Variants in PHTF2 observed in about 807,000 individuals in gnomAD.
PHTF2 encodes the protein putative homeodomain transcription factor 2.
Under a neutral mutation model 101.2 loss-of-function variants are expected in PHTF2, and 60 were observed. That is an observed-to-expected ratio of 0.59 (90% confidence interval 0.48 to 0.73). The LOEUF is 0.73. Ranked by LOEUF, PHTF2 falls within the 30% of genes least tolerant of loss-of-function variation. PHTF2 has a pLI of 0.00. For missense variants in PHTF2, 747 were observed against 908.7 expected, an observed-to-expected ratio of 0.82 and a Z score of 2.29; for synonymous variants, 311 against 307.3, an observed-to-expected ratio of 1.01 and a Z score of -0.13.
intron 1 of PHTF2, 193 bp from the exon 2 acceptor site, chr7:77,840,028 A>G: frequency 5.2e-6 from 2 of 381,274 alleles, no homozygotes. Context: ...AGAACTTTCT[A>G]TTATTGTGGC....
intron 3 of PHTF2, among the ~76,000 whole-genome samples, chr7:77,875,971 C>T (rs1045771246): frequency 3.9e-5 from 6 of 152,222 alleles, no homozygotes; most frequent in African/African-American, 1.4e-4. Flanking sequence ...TGCTATTATC[C>T]TGATTTTATA....
chr7:77,910,378 G>A (rs1802270473), exon 9 of PHTF2: 8 of 1,613,374 alleles, frequency 5.0e-6, no homozygotes, highest in Non-Finnish European at 5.9e-6. Context: ...TGTCTTCAGA[G>A]ATCTCTGGCA....
intron 3 of PHTF2, among the ~76,000 whole-genome samples, chr7:77,871,368 C>T (rs1221905877): frequency 6.6e-6 from 1 of 152,150 alleles, no homozygotes; most frequent in Non-Finnish European, 1.5e-5. Flanking sequence ...CCCTTCTTAG[C>T]CTGTTGACTT....
In PHTF2 at chr7:77,888,802, C is replaced by T. The variant is rs17159230; in HGVS notation, c.148-4806C>T. 9.0e-3 allele frequency among the ~76,000 whole-genome samples: 1,362 copies of T among 151,972 alleles called. 15 individuals are homozygous for T. Among genetic ancestry groups the T allele is most frequent in the South Asian group, 0.034 (162 of 4,814 alleles). ...AAAACCACCTGTCAAACTTATGTGA[C>T]TCAATCAAGTCTGCCAAGTCTCTCT... On this transcript the variant is annotated intron_variant, in intron 3 of 19. Transcript: ENST00000416283.
In PHTF2 at chr7:77,940,508, C is replaced by T. The variant is rs201653502; in HGVS notation, c.1741-20C>T. ...GTGGTAATCTACTTGAAAATTAATC[C>T]TCATCTTAATCTTTTTTAGCGATTA... is the stretch of plus-strand genomic sequence containing the variant. On this transcript the variant is annotated intron_variant, in intron 14 of 19. Transcript: ENST00000416283. 1.3e-4 allele frequency: 202 copies of T among 1,552,338 alleles called. No homozygotes were observed. The African/African-American group carries it at 2.4e-3, about 19-fold the overall frequency.
chr7:77,817,361 C>T (rs1437624405), intron 1 of PHTF2, among the ~76,000 whole-genome samples: 1 of 152,060 alleles, frequency 6.6e-6, no homozygotes, highest in Non-Finnish European at 1.5e-5. Flanking sequence ...CATACCTGAG[C>T]CTGGGTAATT....
At chr7:77,838,830 A>C (rs1430986783) in intron 1 of PHTF2, among the ~76,000 whole-genome samples, 1 of 152,212 alleles carries the variant, frequency 6.6e-6, no homozygotes, top group East Asian at 1.9e-4. Flanking sequence ...GAATTTGATC[A>C]GTTAGAGTCA....
At chr7:77,825,705 A>G (rs965481574) in intron 1 of PHTF2, among the ~76,000 whole-genome samples, 1 of 152,220 alleles carries the variant, frequency 6.6e-6, no homozygotes, top group Admixed American at 6.5e-5. Flanking sequence ...GTGTACACAA[A>G]AATAAAAATG....
chr7:77,850,696 C>T (rs1484305301), intron 2 of PHTF2, among the ~76,000 whole-genome samples: 1 of 148,564 alleles, frequency 6.7e-6, no homozygotes, highest in African/African-American at 2.5e-5. Context: ...AATGTGGGGG[C>T]TTTGGGGGGA....
chr7:77,937,006 A>G (rs1392869606), intron 12 of PHTF2, among the ~76,000 whole-genome samples: 3 of 151,762 alleles, frequency 2.0e-5, no homozygotes, highest in Non-Finnish European at 4.4e-5. Flanking sequence ...TTAGCCAGGC[A>G]TGGTGGCAGG....
chr7:77,860,743 A>T (rs950580392), intron 3 of PHTF2, among the ~76,000 whole-genome samples: 2 of 151,866 alleles, frequency 1.3e-5, no homozygotes, highest in African/African-American at 4.8e-5. Flanking sequence ...GCAGGCTCTC[A>T]CTCTGTTACC....
At chr7:77,920,194 AATT>A in intron 9 of PHTF2, 82 bp from the exon 9 acceptor site, 1 of 676,112 alleles carries the variant, frequency 1.5e-6, no homozygotes. Flanking sequence ...TATCTGATGT[AATT>A]ATTAACAGAT....
rs1055038565 is a variant in PHTF2 at position 77,801,137 on chromosome 7, G to A, written c.-36+2166G>A. On this transcript the variant is annotated intron_variant, in intron 1 of 19. Transcript: ENST00000416283. ...GAGTCACCTTCTCTGTGTTTGAGGA[G>A]CATTCATTTGATGGGAGAAATAGAT... Among the ~76,000 whole-genome samples, 4 of 152,196 alleles carry A rather than the reference G, an allele frequency of 2.6e-5. No homozygotes were observed. The South Asian group carries it at 8.3e-4, about 31-fold the overall frequency.
intron 1 of PHTF2, among the ~76,000 whole-genome samples, chr7:77,806,030 C>G (rs970485084): frequency 6.6e-6 from 1 of 152,120 alleles, no homozygotes; most frequent in Non-Finnish European, 1.5e-5. Context: ...CAAAAAGTGG[C>G]AGAGCATGGT....
chr7:77,861,389 A>G (rs1279136605), intron 3 of PHTF2, among the ~76,000 whole-genome samples: 1 of 152,168 alleles, frequency 6.6e-6, no homozygotes, highest in Non-Finnish European at 1.5e-5. Context: ...GGAATGCACT[A>G]TCCTACGTGG....
intron 1 of PHTF2, among the ~76,000 whole-genome samples, chr7:77,835,140 G>T (rs928591961): frequency 6.6e-6 from 1 of 152,018 alleles, no homozygotes; most frequent in African/African-American, 2.4e-5. Context: ...CAGGCGTGGT[G>T]GTGGGCGCCT....
chr7:77,856,511 A>G (rs2150651419), intron 3 of PHTF2, among the ~76,000 whole-genome samples: 1 of 152,094 alleles, frequency 6.6e-6, no homozygotes, highest in South Asian at 2.1e-4. Context: ...ACGCACCACC[A>G]CACCCAGATC....
At chr7:77,913,270 C>T (rs1802577467) in intron 9 of PHTF2, among the ~76,000 whole-genome samples, 1 of 151,726 alleles carries the variant, frequency 6.6e-6, no homozygotes, top group Admixed American at 6.6e-5. Context: ...TGCCTATAAT[C>T]CCAGCTATTT....
chr7:77,822,074 G>C (rs1013660537), intron 1 of PHTF2, among the ~76,000 whole-genome samples: 1 of 152,182 alleles, frequency 6.6e-6, no homozygotes, highest in Non-Finnish European at 1.5e-5. Context: ...TTAGAGACGT[G>C]GGGGGCACTC....
Sources: allele counts gnomAD v4.1 joint callset (sites outside exome capture counted in the v4.1 genomes callset), GRCh38; gene constraint gnomAD v4.1.1; transcripts MANE v1.5; gene names NCBI Gene and HGNC (gene_info 2026-07-23, HGNC 2026-07-21).